The following RBL1 variants were observed in gnomAD, a reference collection of about 807,000 sequenced individuals.
The protein encoded by RBL1 is retinoblastoma-like protein 1.
Under a neutral mutation model 123.0 loss-of-function variants are expected in RBL1, and 82 were observed. The ratio of observed to expected loss-of-function variants is 0.67; its 90% CI spans 0.56 to 0.80. RBL1 has a LOEUF of 0.80. Ranked by LOEUF, RBL1 falls within the 30% of genes least tolerant of loss-of-function variation. RBL1 has a pLI of 0.00. For missense variants in RBL1, 1,171 were observed against 1,299.6 expected, an observed-to-expected ratio of 0.90 and a Z score of 1.52; for synonymous variants, 405 against 441.3, an observed-to-expected ratio of 0.92 and a Z score of 1.03.
chr20:37,091,441 G>A (rs1318206831), intron 1 of RBL1, among the ~76,000 whole-genome samples: 1 of 151,992 alleles, frequency 6.6e-6, no homozygotes, highest in Non-Finnish European at 1.5e-5. Context: ...GGCTGAGGCA[G>A]AGGATTGCTT....
chr20:37,025,206 A>T (rs1242449289), intron 16 of RBL1, among the ~76,000 whole-genome samples: 1 of 147,806 alleles, frequency 6.8e-6, no homozygotes, highest in Non-Finnish European at 1.5e-5. Flanking sequence ...CCTTCCTGTA[A>T]TAAAGACTAT....
intron 7 of RBL1, among the ~76,000 whole-genome samples, chr20:37,063,210 C>T (rs759504574): frequency 2.6e-4 from 40 of 152,056 alleles, no homozygotes; most frequent in South Asian, 8.3e-4. Flanking sequence ...CCTGAGTAGC[C>T]GGGACTACAG....
chr20:37,011,639 C>T (rs538904487), intron 19 of RBL1, among the ~76,000 whole-genome samples: 3 of 151,656 alleles, frequency 2.0e-5, no homozygotes, highest in African/African-American at 4.8e-5. Flanking sequence ...TTCACCATGT[C>T]GGCAAGACTG....
intron 16 of RBL1, among the ~76,000 whole-genome samples, chr20:37,028,359 T>C (rs1362880819): frequency 6.6e-6 from 1 of 151,658 alleles, no homozygotes; most frequent in Non-Finnish European, 1.5e-5. Context: ...AGTAAGACTG[T>C]CTCAAAAATA....
intron 21 of RBL1, among the ~76,000 whole-genome samples, chr20:37,002,342 T>TC (rs2064000329): frequency 2.0e-5 from 2 of 101,138 alleles, no homozygotes; most frequent in African/African-American, 3.8e-5. Flanking sequence ...ATCTGTTTTT[T>TC]TTTTTTTTTT....
intron 2 of RBL1, among the ~76,000 whole-genome samples, chr20:37,069,627 AG>A (rs2065248902): frequency 6.7e-6 from 1 of 148,656 alleles, no homozygotes; most frequent in South Asian, 2.1e-4. Flanking sequence ...AGAAGTGAGG[AG>A]CCCCTCCGCC....
intron 1 of RBL1, 67 bp downstream of exon 1, chr20:37,095,706 G>A: frequency 7.1e-7 from 1 of 1,414,882 alleles, no homozygotes; most frequent in Non-Finnish European, 9.5e-7. Context: ...ATAGGCCGAG[G>A]AAGGGGCGGG....
intron 2 of RBL1, among the ~76,000 whole-genome samples, chr20:37,084,756 T>C (rs1157410886): frequency 6.6e-6 from 1 of 152,122 alleles, no homozygotes; most frequent in Non-Finnish European, 1.5e-5. Flanking sequence ...AGTTTATATA[T>C]TTGTACATAG....
chr20:37,065,223 G>A (rs554624842), intron 7 of RBL1, among the ~76,000 whole-genome samples: 58 of 152,238 alleles, frequency 3.8e-4, no homozygotes, highest in African/African-American at 1.2e-3. Flanking sequence ...GTGGGCCACC[G>A]TGCCTGGCCT....
chr20:37,039,059 A>G (rs2064678860), intron 14 of RBL1, among the ~76,000 whole-genome samples: 1 of 152,224 alleles, frequency 6.6e-6, no homozygotes, highest in African/African-American at 2.4e-5. Flanking sequence ...CTATGTGGTC[A>G]GGAGATTTTA....
chr20:37,062,029 C>A, intron 8 of RBL1, 55 bp downstream of exon 8: 1 of 1,486,734 alleles, frequency 6.7e-7, no homozygotes, highest in Non-Finnish European at 9.1e-7. Context: ...TTAGTAGAAT[C>A]ACACACAGAG....
chr20:37,052,393 G>A (rs937916622), intron 11 of RBL1, among the ~76,000 whole-genome samples: 2 of 152,006 alleles, frequency 1.3e-5, no homozygotes, highest in African/African-American at 4.8e-5. Context: ...GTGCAGTGGT[G>A]TGATCTCGGC....
chr20:37,028,520 C>A (rs1295474000), intron 16 of RBL1, among the ~76,000 whole-genome samples: 4 of 152,018 alleles, frequency 2.6e-5, no homozygotes, highest in Non-Finnish European at 5.9e-5. Flanking sequence ...CAGAGCAAGA[C>A]CTTGTCTCTA....
At chr20:37,002,336 G>GTTTTTTTTTTTTTTTT (rs965408801) in intron 21 of RBL1, among the ~76,000 whole-genome samples, 10 of 76,350 alleles carry the variant, frequency 1.3e-4, no homozygotes, top group Admixed American at 5.6e-4. Flanking sequence ...AGCCTTATCT[G>GTTTTTTTTTTTTTTTT]TTTTTTTTTT....
intron 2 of RBL1, among the ~76,000 whole-genome samples, chr20:37,073,549 T>C (rs906770568): frequency 1.3e-5 from 2 of 150,582 alleles, no homozygotes; most frequent in African/African-American, 4.9e-5. Flanking sequence ...AACTTAAAAA[T>C]TAGCTAGACT....
At chr20:37,043,864 G>A (rs554893639) in intron 13 of RBL1, among the ~76,000 whole-genome samples, 94 of 152,134 alleles carry the variant, frequency 6.2e-4, no homozygotes, top group Middle Eastern at 3.4e-3. Context: ...GAGAAGATTC[G>A]GGGGTAGGGA....
chr20:37,066,639 C>G (rs934499018), intron 6 of RBL1, 85 bp downstream of exon 6: 5 of 1,271,970 alleles, frequency 3.9e-6, no homozygotes, highest in African/African-American at 1.5e-5. Flanking sequence ...TTCTATAATG[C>G]TGAGAACTTG....
At chr20:37,088,864 A>AACAT (rs1555873721) in intron 2 of RBL1, 125 bp downstream of exon 2, 51 of 637,962 alleles carry the variant, frequency 8.0e-5, no homozygotes, top group Non-Finnish European at 1.0e-4. Flanking sequence ...CTGCGTCTCA[A>AACAT]AAATAAATAA....
intron 11 of RBL1, 113 bp downstream of exon 11, chr20:37,055,440 C>T (rs946548538): frequency 6.6e-7 from 1 of 1,526,320 alleles, no homozygotes; most frequent in Non-Finnish European, 8.9e-7. Flanking sequence ...GCCATCCTGG[C>T]CAAGTGTGTC....
Sources: gnomAD v4.1 joint callset for allele counts (sites outside exome capture counted in the v4.1 genomes callset) on GRCh38, gnomAD v4.1.1 for gene constraint, MANE v1.5 for transcripts, NCBI Gene and HGNC (gene_info 2026-07-23, HGNC 2026-07-21) for gene names.